FAM135A: variants seen among roughly 807,000 people sequenced by gnomAD.
FAM135A encodes the protein family with sequence similarity 135 member A.
FAM135A carries 79 observed loss-of-function variants against 146.8 expected under a neutral mutation model. That is an observed-to-expected ratio of 0.54 (90% CI 0.45 to 0.65). FAM135A has a LOEUF of 0.65. FAM135A is among the 30% of genes least tolerant of loss of function. FAM135A has a pLI of 0.00. For synonymous variants in FAM135A, 562 were observed against 603.6 expected, an observed-to-expected ratio of 0.93 and a Z score of 1.01; for missense variants, 1,623 against 1,758.2, an observed-to-expected ratio of 0.92 and a Z score of 1.38.
At chr6:70,535,651 A>G (rs906869946) in intron 18 of FAM135A, among the ~76,000 whole-genome samples, 1 of 152,226 alleles carries the variant, frequency 6.6e-6, no homozygotes, top group African/African-American at 2.4e-5. Context: ...CCTGGTGCCA[A>G]AAAGGTTGGG....
At chr6:70,458,130 CTGTG>C (rs1184168364) in intron 5 of FAM135A, among the ~76,000 whole-genome samples, 1 of 151,806 alleles carries the variant, frequency 6.6e-6, no homozygotes, top group Non-Finnish European at 1.5e-5. Context: ...AAAATATTAT[CTGTG>C]TATTTTTTAA....
At chr6:70,472,003 G>A (rs1310973836) in intron 5 of FAM135A, among the ~76,000 whole-genome samples, 4 of 152,130 alleles carry the variant, frequency 2.6e-5, no homozygotes, top group African/African-American at 9.7e-5. Context: ...GGTTTATAGA[G>A]TACAAAAATG....
intron 20 of FAM135A, among the ~76,000 whole-genome samples, chr6:70,553,477 C>T (rs1381739560): frequency 1.3e-5 from 2 of 152,096 alleles, no homozygotes; most frequent in Non-Finnish European, 2.9e-5. Flanking sequence ...ATGTTACAGA[C>T]TACTTAGCTA....
chr6:70,506,388 T>C (rs1216368613), intron 12 of FAM135A, among the ~76,000 whole-genome samples: 1 of 152,140 alleles, frequency 6.6e-6, no homozygotes, highest in African/African-American at 2.4e-5. Context: ...GACCAAATGG[T>C]AAACATTTTG....
At chr6:70,485,990 T>TA (rs1784550304) in intron 10 of FAM135A, among the ~76,000 whole-genome samples, 1 of 152,242 alleles carries the variant, frequency 6.6e-6, no homozygotes, top group Non-Finnish European at 1.5e-5. Context: ...ACATTTAAAT[T>TA]AAAAAACCAA....
chr6:70,463,569 T>C (rs1335773931), intron 5 of FAM135A, among the ~76,000 whole-genome samples: 1 of 152,128 alleles, frequency 6.6e-6, no homozygotes, highest in Non-Finnish European at 1.5e-5. Context: ...CCATAGCATT[T>C]TCTATGTACC....
chr6:70,561,114 CGTT>C lies in FAM135A; in HGVS notation c.*1197_*1199del, dbSNP rs1197665686. ...ACAATTGATGCATGTTTATTTTTAG[CGTT>C]GTTATTGCCTCTGGTGTTAATAAAT... On this transcript the variant is annotated 3_prime_UTR_variant, in exon 22 of 22. Coordinates refer to ENST00000418814, the MANE Select transcript of FAM135A (RefSeq NM_001162529.3). The C allele has an allele frequency of 6.6e-6, 1 of 152,400 alleles. No individual in the cohort carries two copies. Among genetic ancestry groups the C allele is most frequent in the African/African-American group, 2.4e-5 (1 of 41,418 alleles). The allele number at this position is 152,400 out of a possible 1,614,324, so 9.4% of individuals were successfully genotyped here.
intron 5 of FAM135A, among the ~76,000 whole-genome samples, chr6:70,473,527 G>A (rs1014425020): frequency 6.6e-6 from 1 of 152,130 alleles, no homozygotes; most frequent in African/African-American, 2.4e-5. Context: ...CTTTCCATAT[G>A]TGTACATCCT....
intron 16 of FAM135A, among the ~76,000 whole-genome samples, chr6:70,531,868 G>T (rs906051759): frequency 4.3e-5 from 6 of 139,162 alleles, no homozygotes; most frequent in African/African-American, 1.6e-4. Flanking sequence ...GTTTGATAAG[G>T]TTTCTTTTTA....
At chr6:70,480,197 A>G (rs780695553) in intron 8 of FAM135A, among the ~76,000 whole-genome samples, 2 of 152,194 alleles carry the variant, frequency 1.3e-5, no homozygotes, top group Non-Finnish European at 2.9e-5. Context: ...TACTAACAGA[A>G]GTAATTCATA....
chr6:70,432,562 T>C (rs1256302195), intron 4 of FAM135A, among the ~76,000 whole-genome samples: 2 of 152,184 alleles, frequency 1.3e-5, no homozygotes, highest in African/African-American at 4.8e-5. Context: ...CTTACTTCTT[T>C]ATAGCCCCCT....
At chr6:70,458,291 A>G (rs1349957690) in intron 5 of FAM135A, among the ~76,000 whole-genome samples, 1 of 152,212 alleles carries the variant, frequency 6.6e-6, no homozygotes, top group Non-Finnish European at 1.5e-5. Flanking sequence ...TTCTCTTTCA[A>G]AATAGCAAAT....
chr6:70,464,472 G>C (rs747003837), intron 5 of FAM135A, among the ~76,000 whole-genome samples: 1 of 152,106 alleles, frequency 6.6e-6, no homozygotes, highest in Admixed American at 6.6e-5. Context: ...TGACTTAATG[G>C]AGTTGTTATC....
At chr6:70,478,855 TA>T (rs1193353100) in intron 8 of FAM135A, among the ~76,000 whole-genome samples, 2 of 152,112 alleles carry the variant, frequency 1.3e-5, no homozygotes, top group African/African-American at 4.8e-5. Flanking sequence ...ATAATTTTAT[TA>T]TAAACTTAAA....
At chr6:70,449,171 G>C (rs1776493219) in intron 4 of FAM135A, among the ~76,000 whole-genome samples, 1 of 152,022 alleles carries the variant, frequency 6.6e-6, no homozygotes, top group African/African-American at 2.4e-5. Flanking sequence ...TGTATATATG[G>C]AGTACAATGT....
chr6:70,447,805 A>G (rs951649234), intron 4 of FAM135A, among the ~76,000 whole-genome samples: 8 of 152,048 alleles, frequency 5.3e-5, no homozygotes, highest in African/African-American at 1.2e-4. Flanking sequence ...GATTTTTTCT[A>G]CATTCTTTTT....
chr6:70,462,986 G>T (rs916161692), intron 5 of FAM135A, among the ~76,000 whole-genome samples: 3 of 152,118 alleles, frequency 2.0e-5, no homozygotes, highest in Admixed American at 2.0e-4. Context: ...CAGCTTTTCA[G>T]GGCCTTCCTT....
chr6:70,443,516 G>C (rs76917369), intron 4 of FAM135A, among the ~76,000 whole-genome samples: 1 of 152,088 alleles, frequency 6.6e-6, no homozygotes, highest in African/African-American at 2.4e-5. Flanking sequence ...TACATTGTTC[G>C]CACAGTGGCG....
At chr6:70,472,670 T>C (rs931372976) in intron 5 of FAM135A, among the ~76,000 whole-genome samples, 2 of 152,202 alleles carry the variant, frequency 1.3e-5, no homozygotes, top group Admixed American at 6.5e-5. Context: ...TTAATTGTTA[T>C]GTCTCTTTAG....
Sources: allele counts gnomAD v4.1 joint callset (sites outside exome capture counted in the v4.1 genomes callset), GRCh38; gene constraint gnomAD v4.1.1; transcripts MANE v1.5; gene names NCBI Gene and HGNC (gene_info 2026-07-23, HGNC 2026-07-21).